Variants in PODNL1 observed in about 807,000 individuals in gnomAD.
PODNL1 encodes podocan-like protein 1.
A neutral mutation model predicts 45.1 loss-of-function variants in PODNL1; 50 were observed. The observed-to-expected ratio is 1.11, with a 90% confidence interval of 0.88 to 1.40. The LOEUF is 1.40. Among genes scored for constraint, PODNL1 ranks in the 40% most tolerant of loss-of-function variants. PODNL1 has a pLI of 0.00. For synonymous variants in PODNL1, 406 were observed against 372.5 expected, an observed-to-expected ratio of 1.09 and a Z score of -1.04; for missense variants, 788 against 793.3, an observed-to-expected ratio of 0.99 and a Z score of 0.08.
At chr19:13,951,049 CAAAA>C (rs59269074) in intron 1 of PODNL1, among the ~76,000 whole-genome samples, 2 of 66,668 alleles carry the variant, frequency 3.0e-5, no homozygotes, top group African/African-American at 6.0e-5. Flanking sequence ...AACTCCATCT[CAAAA>C]AAAAAAAAAA....
At chr19:13,944,472 T>C (rs1972754254) in intron 1 of PODNL1, among the ~76,000 whole-genome samples, 1 of 151,708 alleles carries the variant, frequency 6.6e-6, no homozygotes, top group Admixed American at 6.6e-5. Flanking sequence ...CCTATTTGTT[T>C]ATTTTGAGAC....
At chr19:13,946,510 GACC>G (rs1181019689) in intron 1 of PODNL1, among the ~76,000 whole-genome samples, 1 of 152,086 alleles carries the variant, frequency 6.6e-6, no homozygotes, top group Admixed American at 6.6e-5. Flanking sequence ...GAGGAGTTAG[GACC>G]ACAAGGAAAA....
At chr19:13,944,504 C>CT (rs1250243547) in intron 1 of PODNL1, among the ~76,000 whole-genome samples, 1 of 152,000 alleles carries the variant, frequency 6.6e-6, no homozygotes, top group East Asian at 1.9e-4. Flanking sequence ...GTTGCCCAGG[C>CT]TGGAGTGCAG....
intron 1 of PODNL1, among the ~76,000 whole-genome samples, chr19:13,949,949 C>T (rs561788065): frequency 1.1e-4 from 17 of 152,112 alleles, no homozygotes; most frequent in Admixed American, 8.5e-4. Context: ...AAACCTCCAC[C>T]TCCCAGGTTC....
At chr19:13,944,811 T>C (rs941479160) in intron 1 of PODNL1, among the ~76,000 whole-genome samples, 1 of 151,954 alleles carries the variant, frequency 6.6e-6, no homozygotes, top group Non-Finnish European at 1.5e-5. Context: ...AGTCTCACTC[T>C]GTCACCCAGG....
At position 13,937,464 on chromosome 19, in the gene PODNL1, C is replaced by T. The variant is rs112561446; in HGVS notation, c.225+321G>A. On this transcript the variant is annotated intron_variant, in intron 2 of 9. Transcript: ENST00000588872. ...TGTGCCATCACCCCCACCATCAACC[C>T]CACACGCCACAACATCCCCATAACC... Among the ~76,000 whole-genome samples the T allele has an allele frequency of 8.7e-3, 1,308 of 149,772 alleles. 23 individuals are homozygous for T. Among genetic ancestry groups the T allele is most frequent in the African/African-American group, 0.03 (1,223 of 40,276 alleles).
In PODNL1 at chr19:13,938,183, G is replaced by T. The variant is rs762283247; in HGVS notation, c.-2C>A. On this transcript the variant is annotated 5_prime_UTR_variant, in exon 1 of 10. Transcript: ENST00000588872. ...CCCTCCCGTGCCCCACCTTACCATG[G>T]CCAGCCCTGACTCTGCCATCTCGCC... 1.1e-5 allele frequency: 17 copies of T among 1,607,474 alleles called. No individual in the cohort carries two copies. The highest frequency in any genetic ancestry group is 1.4e-5 in the Non-Finnish European group (16 of 1,177,432).
chr19:13,936,490 C>CCCAA, intron 2 of PODNL1, 30 bp from the exon 3 acceptor site: 1 of 1,551,926 alleles, frequency 6.4e-7, no homozygotes, highest in Non-Finnish European at 8.9e-7. Context: ...GTGTTCACAC[C>CCCAA]CGTGACCCCG....
rs912668950 is a variant in PODNL1 at position 13,931,729 on chromosome 19, C to G, written c.*8G>C. On this transcript the variant is annotated 3_prime_UTR_variant, in exon 10 of 10. Coordinates refer to ENST00000588872, the MANE Select transcript of PODNL1 (RefSeq NM_001370095.3). ...GAGTCTGAGCTGCTCTGCTGGGCCT[C>G]TCTAGGATCAGGGGCCCCCTGCCCG... The G allele has an allele frequency of 6.9e-5, 85 of 1,231,826 alleles. No homozygotes were observed. The Middle Eastern group carries it at 9.3e-4, about 14-fold the overall frequency. 76.3% of individuals were successfully genotyped at this position (1,231,826 alleles called of 1,614,324 possible).
chr19:13,937,690 C>T (rs540461706), intron 2 of PODNL1, 95 bp downstream of exon 2: 4 of 1,198,344 alleles, frequency 3.3e-6, no homozygotes, highest in East Asian at 2.6e-5. Flanking sequence ...TGTTCCTATA[C>T]CCCACCACGC....
In PODNL1 at chr19:13,935,968, C is replaced by A; in HGVS notation, c.384+12G>T. On this transcript the variant is annotated intron_variant, in intron 4 of 9. Coordinates refer to ENST00000588872, the MANE Select transcript of PODNL1 (RefSeq NM_001370095.3). ...CACTGGGCTCGGCCTGCGGGTGGGG[C>A]TGGGGGCTCACCTTGTTGTGAGCCA... is the stretch of plus-strand genomic sequence containing the variant. 1.3e-6 allele frequency: 2 copies of A among 1,551,632 alleles called. No individual in the cohort carries two copies. The highest frequency in any genetic ancestry group is 1.7e-6 in the Non-Finnish European group (2 of 1,147,968).
chr19:13,932,213 C>T (rs1971996346), intron 8 of PODNL1, 101 bp from the exon 9 acceptor site: 16 of 1,230,384 alleles, frequency 1.3e-5, no homozygotes, highest in Non-Finnish European at 1.6e-5. Flanking sequence ...CCCCTTCATA[C>T]CAGCCTGGCC....
upstream of PODNL1, among the ~76,000 whole-genome samples, chr19:13,939,439 T>G (rs570455246): frequency 1.3e-5 from 2 of 152,188 alleles, no homozygotes; most frequent in African/African-American, 4.8e-5. Flanking sequence ...CTCGAACTCC[T>G]GACCTCAGGT....
chr19:13,952,502 AG>A, intron 1 of PODNL1: 1 of 1,248,590 alleles, frequency 8.0e-7, no homozygotes. Context: ...AAGTGGAGGG[AG>A]GGGGTGAAAA....
intron 1 of PODNL1, among the ~76,000 whole-genome samples, chr19:13,948,012 C>T (rs1288320480): frequency 1.3e-5 from 2 of 151,680 alleles, no homozygotes; most frequent in Non-Finnish European, 2.9e-5. Context: ...GGCTCAGGCC[C>T]TCATGCTAAT....
chr19:13,936,333 G>A, intron 3 of PODNL1, 34 bp downstream of exon 3: 1 of 1,566,746 alleles, frequency 6.4e-7, no homozygotes, highest in South Asian at 1.1e-5. Flanking sequence ...CAGTCCTACA[G>A]CCCCAGAGAG....
chr19:13,952,002 T>C (rs999037122), intron 1 of PODNL1, among the ~76,000 whole-genome samples: 1 of 152,222 alleles, frequency 6.6e-6, no homozygotes, highest in Non-Finnish European at 1.5e-5. Flanking sequence ...TTTCATCGAA[T>C]CCCATCGTTT....
intron 1 of PODNL1, among the ~76,000 whole-genome samples, chr19:13,948,193 CT>C: frequency 6.7e-6 from 1 of 148,814 alleles, no homozygotes; most frequent in Non-Finnish European, 1.5e-5. Context: ...ATTTTCTTTT[CT>C]TTTCTTTTCT....
At chr19:13,932,214 C>T in intron 8 of PODNL1, 102 bp from the exon 9 acceptor site, 1 of 1,231,940 alleles carries the variant, frequency 8.1e-7, no homozygotes, top group Non-Finnish European at 1.0e-6. Context: ...CCCTTCATAC[C>T]AGCCTGGCCC....
Sources: gnomAD v4.1 joint callset for allele counts (sites outside exome capture counted in the v4.1 genomes callset) on GRCh38, gnomAD v4.1.1 for gene constraint, MANE v1.5 for transcripts, NCBI Gene and HGNC (gene_info 2026-07-23, HGNC 2026-07-21) for gene names.